B9D1: variants seen among roughly 807,000 people sequenced by gnomAD.
The protein encoded by B9D1 is B9 domain containing 1, also known as B9 domain-containing protein 1.
A neutral mutation model predicts 26.1 loss-of-function variants in B9D1; 20 were observed. The observed-to-expected ratio is 0.77, with a 90% CI of 0.54 to 1.12. The LOEUF is 1.12. B9D1 is among the 50% of genes most tolerant of loss of function. B9D1 has a pLI of 0.00. For missense variants in B9D1, 260 were observed against 273.7 expected, an observed-to-expected ratio of 0.95 and a Z score of 0.35; for synonymous variants, 105 against 103.1, an observed-to-expected ratio of 1.02 and a Z score of -0.11.
chr17:19,337,237 T>A (rs1828576832), downstream of B9D1, among the ~76,000 whole-genome samples: 1 of 70,788 alleles, frequency 1.4e-5, no homozygotes, highest in Non-Finnish European at 2.9e-5. Flanking sequence ...TTAGGTGGCT[T>A]GCTGTGCAAC....
At chr17:19,360,416 G>A (rs752537543) in intron 1 of B9D1, 28 bp from the exon 2 acceptor site, 7 of 1,604,126 alleles carry the variant, frequency 4.4e-6, no homozygotes, top group South Asian at 2.2e-5. Flanking sequence ...AGATTCTGTC[G>A]ACTGGTATTC....
intron 3 of B9D1, among the ~76,000 whole-genome samples, chr17:19,356,236 C>T (rs1208775254): frequency 6.6e-6 from 1 of 151,948 alleles, no homozygotes; most frequent in Non-Finnish European, 1.5e-5. Context: ...AGATTACAGG[C>T]GCCCACCCCC....
downstream of B9D1, chr17:19,337,880 T>TTG: frequency 5.3e-6 from 1 of 189,564 alleles, no homozygotes; most frequent in Non-Finnish European, 1.1e-5. Context: ...TGGGTGGGGA[T>TTG]GGGCAAGTGC....
chr17:19,362,774 G>A (rs192898635), upstream of B9D1: 1,404 of 1,446,538 alleles, frequency 9.7e-4, 2 homozygotes, highest in Middle Eastern at 1.9e-3. Context: ...ACAAGGGGCG[G>A]GGATCCACGC....
downstream of B9D1, chr17:19,336,678 AT>A (rs984203808): frequency 2.0e-5 from 3 of 152,548 alleles, no homozygotes; most frequent in African/African-American, 7.2e-5. Flanking sequence ...GTTGATACTT[AT>A]TTACTGTATA....
At position 19,361,502 on chromosome 17, in the gene B9D1, G is replaced by T. The variant is rs559747114; in HGVS notation, c.63+1005C>A. Among the ~76,000 whole-genome samples, 266 of 149,826 alleles carry T rather than the reference G, an allele frequency of 1.8e-3. 2 individuals carry two copies. The highest frequency in any genetic ancestry group is 6.0e-3 in the African/African-American group (237 of 39,332). ...GTGTGACTGTCAGTGTGTGTGTGGCGGGGGGGTCGCTGATGCTGAGAGCAC... is the reference window on the plus strand; with the variant it reads ...GTGTGACTGTCAGTGTGTGTGTGGCTGGGGGGTCGCTGATGCTGAGAGCAC... On this transcript the variant is annotated intron_variant, in intron 1 of 6. Transcript: ENST00000261499.
At chr17:19,373,612 T>G (rs918085543) in intron 1 of B9D1, among the ~76,000 whole-genome samples, 7 of 152,188 alleles carry the variant, frequency 4.6e-5, no homozygotes, top group Admixed American at 2.0e-4. Flanking sequence ...TTAGTCAGGC[T>G]GGTCTCAAAC....
At chr17:19,357,760 G>C in intron 3 of B9D1, 80 bp downstream of exon 3, 1 of 1,009,044 alleles carries the variant, frequency 9.9e-7, no homozygotes, top group Admixed American at 1.7e-5. Context: ...ACAGTCATGG[G>C]CTGGATGAGG....
chr17:19,337,206 G>C (rs1424259439), downstream of B9D1, among the ~76,000 whole-genome samples: 1 of 151,658 alleles, frequency 6.6e-6, no homozygotes, highest in Non-Finnish European at 1.5e-5. Flanking sequence ...GAGAGGAAGG[G>C]CCTGTTGGAG....
At chr17:19,345,223 T>C (rs888515760) in intron 5 of B9D1, among the ~76,000 whole-genome samples, 4 of 152,118 alleles carry the variant, frequency 2.6e-5, no homozygotes, top group African/African-American at 7.2e-5. Context: ...GGGAAGCAAG[T>C]GGGCAGAGGC....
chr17:19,347,166 T>C lies in B9D1; in HGVS notation c.404+103A>G. ...ATTTGTCCTCAGTGGGTGGAGCAGCTTGCAGATCTGAGGAGGCGACCAGGC... is the reference window on the plus strand; with the variant it reads ...ATTTGTCCTCAGTGGGTGGAGCAGCCTGCAGATCTGAGGAGGCGACCAGGC... On this transcript the variant is annotated intron_variant, in intron 5 of 6. Coordinates refer to ENST00000261499, the MANE Select transcript of B9D1 (RefSeq NM_015681.6). The surrounding 1 kb of genome is among the most constrained non-coding windows in gnomAD (Gnocchi z 4.3). The C allele has an allele frequency of 6.2e-7, 1 of 1,613,188 alleles. No individual in the cohort carries two copies. The highest frequency in any genetic ancestry group is 1.1e-5 in the South Asian group (1 of 90,952).
intron 2 of B9D1, among the ~76,000 whole-genome samples, chr17:19,358,209 GC>G (rs1482369214): frequency 6.6e-6 from 1 of 152,118 alleles, no homozygotes; most frequent in Non-Finnish European, 1.5e-5. Flanking sequence ...CCAAGCTCTT[GC>G]CCCACTGAAG....
At chr17:19,344,136 A>G (rs1333796889) in intron 5 of B9D1, among the ~76,000 whole-genome samples, 3 of 152,032 alleles carry the variant, frequency 2.0e-5, no homozygotes, top group Non-Finnish European at 4.4e-5. Flanking sequence ...TCTGGCTTCC[A>G]TGGGTTTGGT....
chr17:19,347,088 G>C lies in B9D1; in HGVS notation c.404+181C>G. Reference sequence around the variant, plus strand: ...AAAATCGCCCGGCCTTCTGCTGCTGGAACAGGGCTGAAGGGAGCCCCGTGA... The same window carrying C: ...AAAATCGCCCGGCCTTCTGCTGCTGCAACAGGGCTGAAGGGAGCCCCGTGA... On this transcript the variant is annotated intron_variant, in intron 5 of 6. Transcript: ENST00000261499. The surrounding 1 kb of genome is among the most constrained non-coding windows in gnomAD (Gnocchi z 4.3). The C allele has an allele frequency of 6.4e-7, 1 of 1,558,504 alleles. No homozygotes were observed. The highest frequency in any genetic ancestry group is 8.7e-7 in the Non-Finnish European group (1 of 1,151,108).
chr17:19,368,290 C>A (rs144140028), intron 1 of B9D1, among the ~76,000 whole-genome samples: 2 of 152,314 alleles, frequency 1.3e-5, no homozygotes, highest in South Asian at 4.1e-4. Flanking sequence ...TGAAGGGCTG[C>A]GGGAATCCCT....
intron 6 of B9D1, 144 bp from the exon 7 acceptor site, chr17:19,343,605 G>A: frequency 6.4e-7 from 1 of 1,572,876 alleles, no homozygotes; most frequent in Non-Finnish European, 8.6e-7. Flanking sequence ...GAGGTAAAGG[G>A]GCTGCCGGGA....
chr17:19,335,596 A>G (rs1440418008), downstream of B9D1: 24 of 833,860 alleles, frequency 2.9e-5, 1 homozygote, highest in East Asian at 7.3e-4. Context: ...TCCCTGGGCA[A>G]CAGTCCCTAG....
intron 5 of B9D1, chr17:19,346,870 T>A: frequency 7.2e-7 from 1 of 1,385,838 alleles, no homozygotes; most frequent in Non-Finnish European, 9.4e-7. Context: ...TGCGCAAATG[T>A]CAGCTCCGGC....
intron 1 of B9D1, among the ~76,000 whole-genome samples, chr17:19,369,898 A>G (rs1911803823): frequency 6.6e-6 from 1 of 152,112 alleles, no homozygotes; most frequent in Admixed American, 6.5e-5. Context: ...TCAGAGCAGG[A>G]TTCCTACCTA....
Sources: gnomAD v4.1 joint callset for allele counts (sites outside exome capture counted in the v4.1 genomes callset) on GRCh38, gnomAD v4.1.1 for gene constraint, Gnocchi (gnomAD v3.1) non-coding constraint, MANE v1.5 for transcripts, NCBI Gene and HGNC (gene_info 2026-07-23, HGNC 2026-07-21) for gene names.